The following TLK2 variants were observed in gnomAD, a reference collection of about 807,000 sequenced individuals.
The protein encoded by TLK2 is serine/threonine-protein kinase tousled-like 2.
TLK2 carries 6 observed loss-of-function variants against 117.3 expected under a neutral mutation model. That is an observed-to-expected ratio of 0.05 (90% confidence interval 0.03 to 0.10). The LOEUF (loss-of-function observed/expected upper bound fraction) is 0.10. Ranked by LOEUF, TLK2 falls within the 10% of genes least tolerant of loss-of-function variation. TLK2 has a pLI of 1.00. For synonymous variants in TLK2, 257 were observed against 316.7 expected (o/e 0.81, Z 2.00); for missense variants, 299 against 901.2 (o/e 0.33, Z 8.56).
intron 16 of TLK2, among the ~76,000 whole-genome samples, chr17:62,593,894 G>A (rs900737526): frequency 2.0e-5 from 3 of 150,180 alleles, no homozygotes; most frequent in Non-Finnish European, 4.4e-5. Flanking sequence ...CTGGGTTCAA[G>A]CGTCTCTCCT....
chr17:62,602,524 G>T (rs867965573), intron 19 of TLK2, among the ~76,000 whole-genome samples: 3 of 152,002 alleles, frequency 2.0e-5, no homozygotes, highest in African/African-American at 7.3e-5. Flanking sequence ...AAATCTTTCC[G>T]TCCAAATACA....
chr17:62,487,304 AAAG>A (rs1449437380), intron 2 of TLK2, among the ~76,000 whole-genome samples: 1 of 151,278 alleles, frequency 6.6e-6, no homozygotes, highest in African/African-American at 2.4e-5. Context: ...AAAAAAAAAA[AAAG>A]AAAGAAATAT....
chr17:62,501,027 A>T (rs1449323152), intron 2 of TLK2, among the ~76,000 whole-genome samples: 1 of 151,988 alleles, frequency 6.6e-6, no homozygotes. Flanking sequence ...TCACGAGGTC[A>T]GGAGATCGAG....
intron 6 of TLK2, among the ~76,000 whole-genome samples, chr17:62,534,715 T>TA (rs1360532828): frequency 2.0e-5 from 3 of 152,028 alleles, no homozygotes; most frequent in African/African-American, 7.2e-5. Flanking sequence ...TTTTCTTTTT[T>TA]ACATTGGCTA....
chr17:62,549,253 C>G (rs28393772), intron 7 of TLK2, among the ~76,000 whole-genome samples: 146,308 of 146,310 alleles, frequency 1, 73,153 homozygotes, highest in Non-Finnish European at 1. Flanking sequence ...CAAAAAATTA[C>G]CCGGGAGTGG....
In TLK2 at chr17:62,479,511, T is replaced by TGGGGCCG. The variant is rs1237399626; in HGVS notation, c.-6+223_-6+229dup. ...GGCCCAGGCGGCCCCGGCCTGGGATTGGGGCCGGCGGCCGGAGGAGAGACG... is the reference window on the plus strand; with the variant it reads ...GGCCCAGGCGGCCCCGGCCTGGGATTGGGGCCGGGGGCCGGCGGCCGGAGGAGAGACG... On this transcript the variant is annotated intron_variant, in intron 1 of 21. Coordinates refer to ENST00000346027, the MANE Select transcript of TLK2 (RefSeq NM_006852.6). Among the ~76,000 whole-genome samples the TGGGGCCG allele has an allele frequency of 3.4e-4, 52 of 151,816 alleles. No individual in the cohort carries two copies. In the East Asian group the frequency reaches 5.3e-3, roughly 15 times the overall value.
At chr17:62,597,576 C>T (rs1046366770) in intron 17 of TLK2, among the ~76,000 whole-genome samples, 4 of 151,942 alleles carry the variant, frequency 2.6e-5, no homozygotes, top group African/African-American at 7.3e-5. Flanking sequence ...AAGTACTGGC[C>T]GTGTGATTTT....
intron 9 of TLK2, among the ~76,000 whole-genome samples, chr17:62,554,673 G>C (rs1245577253): frequency 3.3e-5 from 5 of 152,188 alleles, no homozygotes; most frequent in Admixed American, 1.3e-4. Context: ...TTGAGATCAG[G>C]GGTTTGAGAC....
At chr17:62,503,038 C>T (rs373881114) in intron 2 of TLK2, among the ~76,000 whole-genome samples, 6 of 149,752 alleles carry the variant, frequency 4.0e-5, no homozygotes, top group Non-Finnish European at 5.9e-5. Context: ...CCTCAGTTTC[C>T]GGCTTTGGCT....
intron 2 of TLK2, among the ~76,000 whole-genome samples, chr17:62,487,108 A>G (rs1276261001): frequency 2.6e-5 from 4 of 152,172 alleles, no homozygotes; most frequent in Admixed American, 2.6e-4. Flanking sequence ...CCTGGCCAAC[A>G]TGCCAAAACC....
intron 2 of TLK2, among the ~76,000 whole-genome samples, 193 bp downstream of exon 2, chr17:62,481,399 A>G (rs1031439654): frequency 2.0e-5 from 3 of 152,194 alleles, no homozygotes; most frequent in South Asian, 2.1e-4. Context: ...AAAATGTTCT[A>G]TATGGGAATA....
In TLK2 at chr17:62,524,329, C is replaced by T. The variant is rs1181901570; in HGVS notation, c.361C>T (p.Pro121Ser). 1 of 1,611,454 alleles carries T rather than the reference C, an allele frequency of 6.2e-7. No homozygotes were observed. The highest frequency in any genetic ancestry group is 2.2e-5 in the East Asian group (1 of 44,814). Residue 121 changes from proline to serine, a missense_variant and splice_region_variant, in exon 6 of 22, where the codon CCG (proline) becomes TCG (serine). By Grantham distance (74) the Pro-to-Ser change is moderately conservative (BLOSUM62 -1). Transcript: ENST00000346027. ...SPQHSLSNPL[P>S]RRVEQPLYGL... ...GCAACATTCCTTATCCAATCCCTTA[C>T]CGGTAAGCATTCACCTGGAGAAATT...
chr17:62,580,642 C>T (rs549300404), intron 15 of TLK2, among the ~76,000 whole-genome samples: 1 of 152,302 alleles, frequency 6.6e-6, no homozygotes, highest in East Asian at 1.9e-4. Context: ...CACTGGCAGT[C>T]TGAAAGAGTG....
intron 2 of TLK2, among the ~76,000 whole-genome samples, chr17:62,487,530 A>T (rs1383763884): frequency 3.3e-5 from 5 of 151,634 alleles, no homozygotes; most frequent in African/African-American, 1.2e-4. Context: ...AAAAAAAAAA[A>T]AAAAAGTAAG....
intron 5 of TLK2, among the ~76,000 whole-genome samples, chr17:62,523,953 G>A (rs558698507): frequency 1.4e-4 from 22 of 152,078 alleles, no homozygotes; most frequent in Non-Finnish European, 3.1e-4. Flanking sequence ...AGACAAGAAG[G>A]GAAAACATTC....
At chr17:62,501,117 A>G (rs1182876552) in intron 2 of TLK2, among the ~76,000 whole-genome samples, 1 of 152,202 alleles carries the variant, frequency 6.6e-6, no homozygotes, top group African/African-American at 2.4e-5. Flanking sequence ...AGGTGCCTGT[A>G]GTCCCAGCTA....
chr17:62,535,089 C>T (rs2077023044), intron 6 of TLK2, among the ~76,000 whole-genome samples: 1 of 151,784 alleles, frequency 6.6e-6, no homozygotes, highest in Non-Finnish European at 1.5e-5. Flanking sequence ...GGTTTCACCA[C>T]GTTGGCCAGG....
At chr17:62,478,696 C>T (rs1489518740), upstream of TLK2, among the ~76,000 whole-genome samples, 2 of 105,734 alleles carry the variant, frequency 1.9e-5, no homozygotes, top group Non-Finnish European at 4.4e-5. Context: ...CCCCCCCCAC[C>T]TTCCTCGTCC....
intron 7 of TLK2, among the ~76,000 whole-genome samples, chr17:62,539,694 A>G (rs1286745137): frequency 6.6e-6 from 1 of 151,994 alleles, no homozygotes; most frequent in Non-Finnish European, 1.5e-5. Context: ...GCCAGGCAAC[A>G]TGGTCAACTC....
Sources: gnomAD v4.1 joint callset for allele counts (sites outside exome capture counted in the v4.1 genomes callset) on GRCh38, gnomAD v4.1.1 for gene constraint, MANE v1.5 for transcripts, NCBI Gene and HGNC (gene_info 2026-07-23, HGNC 2026-07-21) for gene names.